NRDE2: variants seen among roughly 807,000 people sequenced by gnomAD.
NRDE2 encodes the protein nuclear exosome regulator NRDE2.
Under a neutral mutation model 124.2 loss-of-function variants are expected in NRDE2, and 76 were observed. That is an observed-to-expected ratio of 0.61 (90% CI 0.51 to 0.74). NRDE2 has a LOEUF of 0.74. Among genes scored for constraint, NRDE2 ranks in the 30% least tolerant of loss-of-function variants. The pLI, the probability that NRDE2 is intolerant of heterozygous loss-of-function variation, is 0.00. For synonymous variants in NRDE2, 489 were observed against 528.1 expected, an observed-to-expected ratio of 0.93 and a Z score of 1.01; for missense variants, 1,314 against 1,417.3, an observed-to-expected ratio of 0.93 and a Z score of 1.17.
chr14:90,320,305 C>T (rs1885196764), intron 1 of NRDE2, among the ~76,000 whole-genome samples: 1 of 152,154 alleles, frequency 6.6e-6, no homozygotes, highest in African/African-American at 2.4e-5. Flanking sequence ...GAAGAGGAAG[C>T]AAGGACCTTC....
chr14:90,282,909 A>AT (rs1891994944), intron 12 of NRDE2, among the ~76,000 whole-genome samples: 1 of 152,114 alleles, frequency 6.6e-6, no homozygotes, highest in South Asian at 2.1e-4. Context: ...TCCTTCAAAC[A>AT]TTTTTACAGG....
chr14:90,318,274 T>C (rs769713409), intron 1 of NRDE2, among the ~76,000 whole-genome samples, 161 bp from the exon 2 acceptor site: 5 of 152,234 alleles, frequency 3.3e-5, no homozygotes, highest in Non-Finnish European at 5.9e-5. Flanking sequence ...ACAGAATCCA[T>C]GAAATTTTTA....
chr14:90,302,113 T>C (rs1884426884), intron 6 of NRDE2, among the ~76,000 whole-genome samples: 2 of 152,186 alleles, frequency 1.3e-5, no homozygotes, highest in Admixed American at 1.3e-4. Context: ...AGCAGGTTTA[T>C]AGTATTGTTG....
At chr14:90,293,971 G>A (rs1213350240) in intron 8 of NRDE2, among the ~76,000 whole-genome samples, 1 of 152,050 alleles carries the variant, frequency 6.6e-6, no homozygotes, top group East Asian at 1.9e-4. Context: ...GAAAACCTAC[G>A]TTTACACAAA....
At position 90,277,030 on chromosome 14, in the gene NRDE2, C is replaced by G. The variant is rs531593399; in HGVS notation, c.*1306G>C. The G allele has an allele frequency of 6.6e-6, 1 of 152,360 alleles. No individual in the cohort carries two copies. Among genetic ancestry groups the G allele is most frequent in the South Asian group, 2.1e-4 (1 of 4,816 alleles). The allele number at this position is 152,360 out of a possible 1,614,324, so 9.4% of individuals were successfully genotyped here. ...GTCCACCTCGGAGTGGAGCTCTCAACTTCCTCAAGTTGAGGGTTGTTTCTG... is the reference window on the plus strand; with the variant it reads ...GTCCACCTCGGAGTGGAGCTCTCAAGTTCCTCAAGTTGAGGGTTGTTTCTG... On this transcript the variant is annotated 3_prime_UTR_variant, in exon 14 of 14. Transcript: ENST00000354366.
chr14:90,330,989 C>G (rs533313473), intron 1 of NRDE2, among the ~76,000 whole-genome samples: 1 of 151,704 alleles, frequency 6.6e-6, no homozygotes, highest in South Asian at 2.1e-4. Context: ...TGCAGCGGCA[C>G]GATCATGGCT....
In NRDE2 at chr14:90,267,995, A is replaced by G. The variant is rs1891562392; in HGVS notation, c.*10341T>C. 2.4e-6 allele frequency: 1 copy of G among 417,066 alleles called. No individual in the cohort carries two copies. Among genetic ancestry groups the G allele is most frequent in the Non-Finnish European group, 4.2e-6 (1 of 237,164 alleles). The allele number at this position is 417,066 out of a possible 1,614,324, so 25.8% of individuals were successfully genotyped here. A position where few individuals can be genotyped will look rare whatever the true frequency, so the allele number is the denominator to read the frequency against. On this transcript the variant is annotated 3_prime_UTR_variant, in exon 14 of 14. Coordinates refer to ENST00000354366, the MANE Select transcript of NRDE2 (RefSeq NM_017970.4). Reference sequence around the variant, plus strand: ...AAAAAGTATTTTCTGACGTTATCATAAGTTCAGCAAAATAGCTAAGGATAA... The same window carrying G: ...AAAAAGTATTTTCTGACGTTATCATGAGTTCAGCAAAATAGCTAAGGATAA...
chr14:90,289,223 G>T, intron 10 of NRDE2, 78 bp from the exon 11 acceptor site: 2 of 1,264,866 alleles, frequency 1.6e-6, no homozygotes, highest in Non-Finnish European at 2.2e-6. Context: ...AGAAAGCACT[G>T]ACAGGAAAAA....
chr14:90,282,830 G>C (rs903459004), intron 12 of NRDE2, among the ~76,000 whole-genome samples: 3 of 152,050 alleles, frequency 2.0e-5, no homozygotes, highest in Non-Finnish European at 2.9e-5. Context: ...ACTACGCCCG[G>C]CTAATTTTGT....
chr14:90,317,970 C>A, intron 2 of NRDE2, 35 bp downstream of exon 2: 1 of 1,563,698 alleles, frequency 6.4e-7, no homozygotes, highest in South Asian at 1.1e-5. Context: ...AGTAAACTGA[C>A]AAAAACGAAA....
chr14:90,316,723 T>C lies in NRDE2; in HGVS notation c.262A>G (p.Lys88Glu), dbSNP rs1885062713. ...TTATGATGCTGATGCTTCCTTTTTT[T>C]CTTTTTCTCTTTCTTCTTTTTTCTA... ...TSRKKKKEKK[K>E]KRKHQHHKKT... Residue 88 changes from lysine to glutamate, a missense_variant, in exon 3 of 14, where the codon AAA becomes GAA. Transcript: ENST00000354366. 5.0e-6 allele frequency: 8 copies of C among 1,613,670 alleles called. No homozygotes were observed. The highest frequency in any genetic ancestry group is 4.5e-5 in the East Asian group (2 of 44,900).
rs938283712 is a variant in NRDE2, at chr14:90,269,144, C to A, written c.*9192G>T. ...ATAAGGCTCTGCCTCATGCCTTTAG[C>A]CCTTTCCAAAAGGCCTCATCTCTTA... On this transcript the variant is annotated 3_prime_UTR_variant, in exon 14 of 14. Coordinates refer to ENST00000354366, the MANE Select transcript of NRDE2 (RefSeq NM_017970.4). 1 of 449,982 alleles carries A rather than the reference C, an allele frequency of 2.2e-6. No homozygotes were observed. The highest frequency in any genetic ancestry group is 4.0e-6 in the Non-Finnish European group (1 of 251,218). 27.9% of individuals were successfully genotyped at this position (449,982 alleles called of 1,614,324 possible). A position where few individuals can be genotyped will look rare whatever the true frequency, so the allele number is the denominator to read the frequency against.
rs146134858 is a variant in NRDE2 at position 90,306,908 on chromosome 14, C to T, written c.558-2526G>A. ...AAAGCTAGTTTTGTTCTCCTTTATC[C>T]TCTTTTAATAGTATTGATTCCTCAT... On this transcript the variant is annotated intron_variant, in intron 4 of 13. Transcript: ENST00000354366. Among the ~76,000 whole-genome samples the T allele has an allele frequency of 6.5e-3, 994 of 152,182 alleles. 5 individuals carry two copies. The highest frequency in any genetic ancestry group is 0.02 in the South Asian group (95 of 4,822).
chr14:90,295,301 C>T (rs189458734), intron 8 of NRDE2, among the ~76,000 whole-genome samples: 8 of 152,072 alleles, frequency 5.3e-5, no homozygotes, highest in African/African-American at 9.6e-5. Flanking sequence ...AATATGTATA[C>T]GTAGTATAAT....
intron 3 of NRDE2, among the ~76,000 whole-genome samples, chr14:90,314,306 C>T (rs575450359): frequency 1.3e-5 from 2 of 152,334 alleles, no homozygotes; most frequent in East Asian, 3.9e-4. Flanking sequence ...TCACAATTCA[C>T]TAATATTGTA....
intron 5 of NRDE2, among the ~76,000 whole-genome samples, chr14:90,303,403 C>G (rs540776074): frequency 6.6e-6 from 1 of 152,308 alleles, no homozygotes; most frequent in Admixed American, 6.5e-5. Flanking sequence ...TTCTGAAGAG[C>G]AGACCTTACC....
At chr14:90,278,564 G>A (rs1362072935) in intron 13 of NRDE2, 103 bp from the exon 14 acceptor site, 2 of 1,462,108 alleles carry the variant, frequency 1.4e-6, no homozygotes, top group Non-Finnish European at 9.4e-7. Flanking sequence ...CTGCCCTCCT[G>A]TCGCCCTCCA....
intron 3 of NRDE2, among the ~76,000 whole-genome samples, chr14:90,315,792 C>T (rs1483179407): frequency 6.6e-6 from 1 of 151,424 alleles, no homozygotes; most frequent in East Asian, 2.0e-4. Context: ...GCCATCTCTA[C>T]TAAAAATACA....
chr14:90,314,780 A>G (rs1477938168), intron 3 of NRDE2, among the ~76,000 whole-genome samples: 1 of 152,180 alleles, frequency 6.6e-6, no homozygotes, highest in Non-Finnish European at 1.5e-5. Context: ...TGCTGTGGGA[A>G]TATGGTGGTA....
Sources: gnomAD v4.1 joint callset for allele counts (sites outside exome capture counted in the v4.1 genomes callset) on GRCh38, gnomAD v4.1.1 for gene constraint, MANE v1.5 for transcripts, NCBI Gene and HGNC (gene_info 2026-07-23, HGNC 2026-07-21) for gene names.